The following GPC6 variants were observed in gnomAD, a reference collection of about 807,000 sequenced individuals.
GPC6 encodes the protein glypican-6.
Under a neutral mutation model 55.2 loss-of-function variants are expected in GPC6, and 14 were observed. The ratio of observed to expected loss-of-function variants is 0.25; its 90% CI spans 0.17 to 0.40. GPC6 has a LOEUF of 0.40. Among genes scored for constraint, GPC6 ranks in the 10% least tolerant of loss-of-function variants. The pLI is 1.00. For synonymous variants in GPC6, 278 were observed against 259.6 expected (o/e 1.07, Z -0.68); for missense variants, 641 against 708.5 (o/e 0.90, Z 1.08).
At chr13:93,818,113 TTATA>T (rs979634296) in intron 2 of GPC6, among the ~76,000 whole-genome samples, 4 of 147,948 alleles carry the variant, frequency 2.7e-5, no homozygotes, top group African/African-American at 9.8e-5. Context: ...ATATAATAAT[TTATA>T]TATACACACA....
At chr13:93,532,355 G>T (rs1209324281) in intron 1 of GPC6, among the ~76,000 whole-genome samples, 1 of 151,996 alleles carries the variant, frequency 6.6e-6, no homozygotes, top group Non-Finnish European at 1.5e-5. Context: ...TATGTGTGTA[G>T]TTGTGCATAC....
intron 1 of GPC6, among the ~76,000 whole-genome samples, chr13:93,391,719 G>T (rs1875639211): frequency 6.6e-6 from 1 of 152,040 alleles, no homozygotes; most frequent in South Asian, 2.1e-4. Flanking sequence ...ATTTCTTGGG[G>T]TTCTTTTTCT....
At chr13:93,285,630 G>GTGTGTGTGTGTGTGTA (rs1555287669) in intron 1 of GPC6, among the ~76,000 whole-genome samples, 88 of 140,516 alleles carry the variant, frequency 6.3e-4, no homozygotes, top group South Asian at 3.8e-3. Flanking sequence ...GTGTGTGTGT[G>GTGTGTGTGTGTGTGTA]TGTGTGTGTG....
chr13:93,557,645 C>T (rs935674422), intron 2 of GPC6, among the ~76,000 whole-genome samples: 7 of 152,112 alleles, frequency 4.6e-5, no homozygotes, highest in Non-Finnish European at 8.8e-5. Flanking sequence ...ATATCTTCAG[C>T]CCTTGAGGGT....
At chr13:93,988,610 C>T (rs1395408990) in intron 3 of GPC6, among the ~76,000 whole-genome samples, 1 of 152,074 alleles carries the variant, frequency 6.6e-6, no homozygotes, top group Non-Finnish European at 1.5e-5. Flanking sequence ...TCTGTGTTCT[C>T]ATATGGCGGA....
intron 2 of GPC6, among the ~76,000 whole-genome samples, chr13:93,799,594 T>C (rs921778566): frequency 2.0e-5 from 3 of 152,186 alleles, no homozygotes; most frequent in Admixed American, 1.3e-4. Flanking sequence ...TTATCTGGCA[T>C]AGTAGAAGGC....
chr13:94,136,728 A>G (rs1165115764), intron 4 of GPC6, among the ~76,000 whole-genome samples: 1 of 152,152 alleles, frequency 6.6e-6, no homozygotes, highest in Non-Finnish European at 1.5e-5. Context: ...AAAAAGAAGA[A>G]GTTTGTTCTT....
chr13:93,368,040 C>G (rs1881310212), intron 1 of GPC6, among the ~76,000 whole-genome samples: 1 of 152,074 alleles, frequency 6.6e-6, no homozygotes, highest in African/African-American at 2.4e-5. Flanking sequence ...AAATCTCAAA[C>G]TGTAATTATT....
intron 3 of GPC6, among the ~76,000 whole-genome samples, chr13:94,015,146 C>T (rs1466763457): frequency 6.6e-6 from 1 of 152,146 alleles, no homozygotes; most frequent in East Asian, 1.9e-4. Context: ...TATTATACAT[C>T]CCTATTAGCA....
intron 1 of GPC6, among the ~76,000 whole-genome samples, chr13:93,360,704 A>G (rs1157088957): frequency 6.6e-6 from 1 of 152,114 alleles, no homozygotes; most frequent in Non-Finnish European, 1.5e-5. Flanking sequence ...GAATTGATGT[A>G]TGTTGATGAG....
At chr13:94,271,011 A>T in intron 4 of GPC6, among the ~76,000 whole-genome samples, 1 of 102,904 alleles carries the variant, frequency 9.7e-6, no homozygotes, top group Non-Finnish European at 1.7e-5. Context: ...TTTTTCTGAG[A>T]CGGAGTCTCG....
At chr13:94,172,808 G>A (rs186313186) in intron 4 of GPC6, among the ~76,000 whole-genome samples, 1 of 152,306 alleles carries the variant, frequency 6.6e-6, no homozygotes, top group East Asian at 1.9e-4. Flanking sequence ...GGCCTACGGA[G>A]CTCTTAATCA....
intron 4 of GPC6, among the ~76,000 whole-genome samples, chr13:94,075,969 C>A (rs1173072363): frequency 6.6e-6 from 1 of 151,954 alleles, no homozygotes; most frequent in Non-Finnish European, 1.5e-5. Flanking sequence ...TTCTTTTGGA[C>A]ATGTACCTGG....
At chr13:94,016,838 CTT>C (rs144997234) in intron 3 of GPC6, among the ~76,000 whole-genome samples, 10 of 143,604 alleles carry the variant, frequency 7.0e-5, no homozygotes, top group Admixed American at 7.0e-5. Flanking sequence ...AAACAGTTTT[CTT>C]TTTTTTTTTT....
At chr13:93,440,701 A>ATT (rs67879094) in intron 1 of GPC6, among the ~76,000 whole-genome samples, 2 of 144,604 alleles carry the variant, frequency 1.4e-5, no homozygotes, top group Non-Finnish European at 3.1e-5. Context: ...TTATACACTG[A>ATT]TTTTTTATTA....
intron 2 of GPC6, among the ~76,000 whole-genome samples, chr13:93,575,603 C>T (rs1457134448): frequency 6.6e-6 from 1 of 152,076 alleles, no homozygotes; most frequent in Non-Finnish European, 1.5e-5. Context: ...AGTATTAGGC[C>T]TCTTTTATTT....
At chr13:93,238,298 T>G (rs1012556443) in intron 1 of GPC6, among the ~76,000 whole-genome samples, 4 of 152,138 alleles carry the variant, frequency 2.6e-5, no homozygotes, top group Non-Finnish European at 4.4e-5. Context: ...GTTAAATATA[T>G]TCCTTATACT....
chr13:93,885,109 T>C (rs1875244384), intron 3 of GPC6, among the ~76,000 whole-genome samples: 2 of 151,970 alleles, frequency 1.3e-5, no homozygotes, highest in South Asian at 4.2e-4. Context: ...ATGAGGAAAA[T>C]AGATAGATAA....
At chr13:93,254,456 A>G (rs1876887505) in intron 1 of GPC6, among the ~76,000 whole-genome samples, 1 of 152,174 alleles carries the variant, frequency 6.6e-6, no homozygotes, top group South Asian at 2.1e-4. Context: ...ATTTTTTGCC[A>G]TAGGTGACTA....
Sources: gnomAD v4.1 joint callset for allele counts (sites outside exome capture counted in the v4.1 genomes callset) on GRCh38, gnomAD v4.1.1 for gene constraint, MANE v1.5 for transcripts, NCBI Gene and HGNC (gene_info 2026-07-23, HGNC 2026-07-21) for gene names.